Variants in NAALADL2 observed in about 807,000 individuals in gnomAD.
NAALADL2 encodes the protein inactive N-acetylated-alpha-linked acidic dipeptidase-like protein 2.
A neutral mutation model predicts 87.2 loss-of-function variants in NAALADL2; 76 were observed. That is an observed-to-expected ratio of 0.87 (90% CI 0.72 to 1.05). The LOEUF is 1.05. NAALADL2 is among the 50% of genes least tolerant of loss of function. The pLI is 0.00. For missense variants in NAALADL2, 1,089 were observed against 945.8 expected, an observed-to-expected ratio of 1.15 and a Z score of -1.99; for synonymous variants, 354 against 331.0, an observed-to-expected ratio of 1.07 and a Z score of -0.75.
intron 9 of NAALADL2, among the ~76,000 whole-genome samples, chr3:175,483,555 T>C (rs34751378): frequency 1.3e-5 from 2 of 151,992 alleles, no homozygotes; most frequent in Non-Finnish European, 2.9e-5. Flanking sequence ...TCAGCCATGC[T>C]CAGGGCTAGA....
chr3:175,566,807 TTGTC>T (rs888428360), intron 9 of NAALADL2, among the ~76,000 whole-genome samples: 3 of 152,148 alleles, frequency 2.0e-5, no homozygotes, highest in African/African-American at 7.2e-5. Context: ...AGCTAGCTAT[TTGTC>T]TGTTAAATAA....
chr3:175,118,065 T>C (rs1444185895), intron 2 of NAALADL2, among the ~76,000 whole-genome samples: 1 of 151,704 alleles, frequency 6.6e-6, no homozygotes, highest in Non-Finnish European at 1.5e-5. Context: ...AACTGAACAA[T>C]GAGAACACTT....
At chr3:174,837,773 G>T (rs1309445794) in intron 3 of NAALADL2, among the ~76,000 whole-genome samples, 5 of 151,922 alleles carry the variant, frequency 3.3e-5, no homozygotes, top group African/African-American at 1.2e-4. Flanking sequence ...CAGCCTGGGT[G>T]ATAGAGTGCG....
chr3:175,619,853 G>T (rs1725950983), intron 10 of NAALADL2, among the ~76,000 whole-genome samples: 1 of 151,982 alleles, frequency 6.6e-6, no homozygotes, highest in South Asian at 2.1e-4. Context: ...GTAATGCCAA[G>T]GTGTAGCTTG....
intron 2 of NAALADL2, among the ~76,000 whole-genome samples, chr3:174,672,625 C>A (rs746910918): frequency 2.0e-5 from 3 of 151,974 alleles, no homozygotes; most frequent in Non-Finnish European, 2.9e-5. Context: ...TAGGAAGTGT[C>A]AGGGAGCACA....
At chr3:175,297,334 C>T (rs867380065) in intron 4 of NAALADL2, among the ~76,000 whole-genome samples, 1 of 152,186 alleles carries the variant, frequency 6.6e-6, no homozygotes, top group Non-Finnish European at 1.5e-5. Flanking sequence ...CAGCTACCAT[C>T]ACCAGAATAA....
intron 5 of NAALADL2, among the ~76,000 whole-genome samples, chr3:175,408,467 T>C (rs1281433453): frequency 2.0e-5 from 3 of 152,052 alleles, no homozygotes; most frequent in Admixed American, 1.3e-4. Flanking sequence ...ATATTTAATA[T>C]CTCATAACCA....
At chr3:175,404,562 C>T (rs1262581962) in intron 5 of NAALADL2, among the ~76,000 whole-genome samples, 1 of 152,156 alleles carries the variant, frequency 6.6e-6, no homozygotes, top group African/African-American at 2.4e-5. Context: ...TGACATTACA[C>T]ATGATCTACT....
chr3:174,641,195 CAAGAGA>C, intron 2 of NAALADL2, among the ~76,000 whole-genome samples: 1 of 152,256 alleles, frequency 6.6e-6, no homozygotes, highest in African/African-American at 2.4e-5. Flanking sequence ...TCCACAGCTG[CAAGAGA>C]TGGATTCTGC....
chr3:174,710,771 C>T (rs1730555036), intron 2 of NAALADL2, among the ~76,000 whole-genome samples: 2 of 152,122 alleles, frequency 1.3e-5, no homozygotes, highest in Non-Finnish European at 1.5e-5. Flanking sequence ...GGAGCTGAAT[C>T]CTGCCAGCAA....
At chr3:175,132,798 C>G (rs1002710631) in intron 2 of NAALADL2, among the ~76,000 whole-genome samples, 1 of 151,634 alleles carries the variant, frequency 6.6e-6, no homozygotes, top group Admixed American at 6.6e-5. Flanking sequence ...ACCCCCACCT[C>G]CCTCCCGGAC....
chr3:175,083,627 T>C (rs1718310397), intron 1 of NAALADL2, among the ~76,000 whole-genome samples: 1 of 152,186 alleles, frequency 6.6e-6, no homozygotes, highest in Non-Finnish European at 1.5e-5. Flanking sequence ...ATAATTATTT[T>C]ATAATTAAAA....
chr3:175,327,744 G>GT (rs1230617823), intron 5 of NAALADL2, among the ~76,000 whole-genome samples: 1 of 152,144 alleles, frequency 6.6e-6, no homozygotes, highest in Non-Finnish European at 1.5e-5. Flanking sequence ...AAAGATAAAA[G>GT]TTTTGTTTGA....
chr3:175,090,980 A>AT (rs939198761), intron 1 of NAALADL2, among the ~76,000 whole-genome samples: 65 of 124,808 alleles, frequency 5.2e-4, no homozygotes, highest in African/African-American at 1.7e-3. Flanking sequence ...ATGGAAAAAA[A>AT]AAATATCATT....
At chr3:175,291,129 C>T (rs938354736) in intron 4 of NAALADL2, among the ~76,000 whole-genome samples, 6 of 152,002 alleles carry the variant, frequency 3.9e-5, no homozygotes, top group African/African-American at 9.7e-5. Flanking sequence ...CTATTTGGTT[C>T]GCCAATATGT....
At chr3:175,222,649 G>C (rs761416652) in intron 2 of NAALADL2, among the ~76,000 whole-genome samples, 12 of 151,902 alleles carry the variant, frequency 7.9e-5, no homozygotes, top group Non-Finnish European at 1.5e-4. Context: ...TTGGCCTCAG[G>C]ACTCCTTTAC....
chr3:174,937,798 A>G (rs1249925899), intron 1 of NAALADL2, among the ~76,000 whole-genome samples: 1 of 152,046 alleles, frequency 6.6e-6, no homozygotes, highest in African/African-American at 2.4e-5. Flanking sequence ...GTAAAATTCA[A>G]AACTAGCTTC....
At chr3:175,784,949 A>G (rs1258736054) in intron 13 of NAALADL2, among the ~76,000 whole-genome samples, 1 of 131,376 alleles carries the variant, frequency 7.6e-6, no homozygotes, top group East Asian at 2.0e-4. Context: ...TTCTGCCTTC[A>G]TTGCGTTATG....
intron 1 of NAALADL2, among the ~76,000 whole-genome samples, chr3:174,448,916 T>C (rs1489283956): frequency 6.6e-6 from 1 of 152,162 alleles, no homozygotes; most frequent in Admixed American, 6.5e-5. Context: ...AGAAAGGAAC[T>C]AAGATAAGAC....
Sources: allele counts gnomAD v4.1 joint callset (sites outside exome capture counted in the v4.1 genomes callset), GRCh38; gene constraint gnomAD v4.1.1; transcripts MANE v1.5; gene names NCBI Gene and HGNC (gene_info 2026-07-23, HGNC 2026-07-21).